Variants in CAMK2D observed in about 807,000 individuals in gnomAD.
CAMK2D encodes calcium/calmodulin dependent protein kinase II delta.
In CAMK2D, 37 loss-of-function variants were observed where a neutral mutation model predicts 84.0. The ratio of observed to expected loss-of-function variants is 0.44; its 90% CI spans 0.34 to 0.58. CAMK2D has a LOEUF of 0.58. Ranked by LOEUF, CAMK2D falls within the 20% of genes least tolerant of loss-of-function variation. The pLI, the probability that CAMK2D is intolerant of heterozygous loss-of-function variation, is 0.02. For missense variants in CAMK2D, 448 were observed against 652.5 expected (o/e 0.69, Z 3.41); for synonymous variants, 202 against 212.5 (o/e 0.95, Z 0.43).
chr4:113,745,999 C>T (rs1594048910), intron 2 of CAMK2D, among the ~76,000 whole-genome samples: 1 of 152,194 alleles, frequency 6.6e-6, no homozygotes, highest in East Asian at 1.9e-4. Context: ...AGAAGTACTA[C>T]AGAACTCAAT....
intron 4 of CAMK2D, among the ~76,000 whole-genome samples, chr4:113,559,873 C>A (rs976637717): frequency 9.2e-5 from 14 of 152,168 alleles, no homozygotes; most frequent in African/African-American, 3.4e-4. Context: ...TATTTCTAAT[C>A]ATCAATACTT....
At chr4:113,711,546 G>T (rs978543697) in intron 2 of CAMK2D, among the ~76,000 whole-genome samples, 6 of 152,146 alleles carry the variant, frequency 3.9e-5, no homozygotes, top group Admixed American at 1.3e-4. Flanking sequence ...CAAAGCAACT[G>T]CAAAAGTAAA....
chr4:113,744,530 T>C lies in CAMK2D; in HGVS notation c.160+14790A>G, dbSNP rs115922584. On this transcript the variant is annotated intron_variant, in intron 2 of 20. Transcript: ENST00000511664. ...CATTTATCCTAAACTAGCCCTCTTT[T>C]CATCCATTAAAATGCAGTATTTCCC... Among the ~76,000 whole-genome samples the C allele has an allele frequency of 2.5e-3, 373 of 152,176 alleles. 3 individuals are homozygous for C. Among genetic ancestry groups the C allele is most frequent in the African/African-American group, 8.7e-3 (360 of 41,518 alleles).
intron 3 of CAMK2D, among the ~76,000 whole-genome samples, chr4:113,655,728 T>C (rs1368135955): frequency 6.6e-6 from 1 of 152,104 alleles, no homozygotes; most frequent in Non-Finnish European, 1.5e-5. Context: ...GGCCCATACA[T>C]GAATATCTTC....
chr4:113,600,241 T>C (rs2098946013), intron 4 of CAMK2D, among the ~76,000 whole-genome samples: 1 of 152,168 alleles, frequency 6.6e-6, no homozygotes, highest in Non-Finnish European at 1.5e-5. Context: ...TAAAAACCCA[T>C]ACAATGTAAA....
intron 3 of CAMK2D, among the ~76,000 whole-genome samples, chr4:113,614,327 A>T (rs1403569347): frequency 2.0e-5 from 3 of 152,146 alleles, no homozygotes; most frequent in Non-Finnish European, 4.4e-5. Context: ...GGAGGCAGTC[A>T]ATTACATTGG....
intron 8 of CAMK2D, among the ~76,000 whole-genome samples, chr4:113,521,324 A>ATCTT (rs2098356359): frequency 6.6e-6 from 1 of 152,114 alleles, no homozygotes; most frequent in South Asian, 2.1e-4. Flanking sequence ...CAATTGCCCC[A>ATCTT]TCTTTGGCTA....
At chr4:113,658,521 A>T (rs1390184808) in intron 3 of CAMK2D, among the ~76,000 whole-genome samples, 3 of 152,126 alleles carry the variant, frequency 2.0e-5, no homozygotes, top group Non-Finnish European at 4.4e-5. Context: ...GTCCTGACCA[A>T]CTATTTAAAA....
intron 8 of CAMK2D, among the ~76,000 whole-genome samples, chr4:113,529,276 G>A (rs2098442550): frequency 6.6e-6 from 1 of 152,144 alleles, no homozygotes; most frequent in Non-Finnish European, 1.5e-5. Context: ...CAAACATCAA[G>A]TTGTTACCAA....
chr4:113,668,180 T>C (rs563645529), intron 2 of CAMK2D, among the ~76,000 whole-genome samples: 1 of 152,286 alleles, frequency 6.6e-6, no homozygotes, highest in African/African-American at 2.4e-5. Flanking sequence ...ACCTTCATTC[T>C]GCAGTTTCAT....
chr4:113,659,898 G>A (rs2099221069), intron 3 of CAMK2D, among the ~76,000 whole-genome samples: 1 of 152,128 alleles, frequency 6.6e-6, no homozygotes, highest in South Asian at 2.1e-4. Context: ...TATACACCTA[G>A]AAATGTAACT....
intron 4 of CAMK2D, among the ~76,000 whole-genome samples, chr4:113,579,319 T>C (rs2098797858): frequency 6.6e-6 from 1 of 152,220 alleles, no homozygotes; most frequent in African/African-American, 2.4e-5. Flanking sequence ...CTCTTCCTTT[T>C]ACTTTTCCTT....
intron 4 of CAMK2D, among the ~76,000 whole-genome samples, chr4:113,553,675 T>C (rs746465052): frequency 3.9e-5 from 6 of 152,200 alleles, no homozygotes; most frequent in Non-Finnish European, 8.8e-5. Flanking sequence ...AATTCTATTA[T>C]TTTCACATAT....
intron 3 of CAMK2D, among the ~76,000 whole-genome samples, chr4:113,612,792 A>T (rs1464429951): frequency 6.6e-6 from 1 of 152,186 alleles, no homozygotes; most frequent in Non-Finnish European, 1.5e-5. Context: ...AAATTCTGGA[A>T]CTTTAAGTAT....
intron 4 of CAMK2D, among the ~76,000 whole-genome samples, chr4:113,580,943 G>GA (rs1043118672): frequency 6.6e-6 from 1 of 151,200 alleles, no homozygotes. Flanking sequence ...GAGAATATTA[G>GA]AAAAAATAGC....
rs139022998 is a variant in CAMK2D, at chr4:113,612,928, C to T, written c.221-3722G>A. ...TATCACATTTGAATGATTGCAGGAT[C>T]GCTGCTTTCTCTTCCTGTTCTGTGT... On this transcript the variant is annotated intron_variant, in intron 3 of 20. Transcript: ENST00000511664. Among the ~76,000 whole-genome samples, 54 of 152,240 alleles carry T rather than the reference C, an allele frequency of 3.5e-4. 1 individual carries two copies. The highest frequency in any genetic ancestry group is 9.2e-4 in the Admixed American group (14 of 15,272).
At chr4:113,504,669 G>A (rs1292140456) in intron 14 of CAMK2D, among the ~76,000 whole-genome samples, 2 of 152,124 alleles carry the variant, frequency 1.3e-5, no homozygotes, top group Non-Finnish European at 2.9e-5. Context: ...CCAAAGCGCT[G>A]TATTTTGAAT....
At chr4:113,628,783 T>C (rs1214636837) in intron 3 of CAMK2D, among the ~76,000 whole-genome samples, 1 of 152,076 alleles carries the variant, frequency 6.6e-6, no homozygotes, top group Non-Finnish European at 1.5e-5. Flanking sequence ...GAAAATAAAA[T>C]GATATCAGTA....
At chr4:113,638,730 C>T (rs759966625) in intron 3 of CAMK2D, among the ~76,000 whole-genome samples, 3 of 152,042 alleles carry the variant, frequency 2.0e-5, no homozygotes, top group Non-Finnish European at 4.4e-5. Context: ...CTCAAATATC[C>T]CCCAAATCTG....
Sources: gnomAD v4.1 joint callset for allele counts (sites outside exome capture counted in the v4.1 genomes callset) on GRCh38, gnomAD v4.1.1 for gene constraint, MANE v1.5 for transcripts, NCBI Gene and HGNC (gene_info 2026-07-23, HGNC 2026-07-21) for gene names.